The following BAALC variants were observed in gnomAD, a reference collection of about 807,000 sequenced individuals.
BAALC encodes the protein brain and acute leukemia cytoplasmic protein.
BAALC carries 9 observed loss-of-function variants against 15.5 expected under a neutral mutation model. That is an observed-to-expected ratio of 0.58 (90% CI 0.35 to 1.02). The LOEUF (loss-of-function observed/expected upper bound fraction) is 1.02. Among genes scored for constraint, BAALC ranks in the 50% least tolerant of loss-of-function variants. The probability of loss-of-function intolerance (pLI) is 0.02; values close to 1 mark genes in which losing one functional copy is unlikely to be tolerated. For missense variants in BAALC, 201 were observed against 192.4 expected (o/e 1.04, Z -0.27); for synonymous variants, 80 against 74.6 (o/e 1.07, Z -0.37).
chr8:103,222,951 G>A (rs1428317705), intron 2 of BAALC, among the ~76,000 whole-genome samples: 2 of 152,186 alleles, frequency 1.3e-5, no homozygotes, highest in African/African-American at 4.8e-5. Context: ...TAATTGAGGT[G>A]ACTAACCGTC....
chr8:103,158,275 A>C (rs1811143426), intron 1 of BAALC, among the ~76,000 whole-genome samples: 1 of 152,148 alleles, frequency 6.6e-6, no homozygotes, highest in Admixed American at 6.5e-5. Context: ...CAGGAGGAAA[A>C]CCTTCAGGAA....
chr8:103,143,125 C>T (rs185718227), intron 1 of BAALC, among the ~76,000 whole-genome samples: 1 of 152,202 alleles, frequency 6.6e-6, no homozygotes, highest in Non-Finnish European at 1.5e-5. Flanking sequence ...TTCCCTAGGG[C>T]CTTTGGGAAT....
intron 1 of BAALC, chr8:103,183,394 C>A (rs1811768053): frequency 1.4e-6 from 1 of 702,868 alleles, no homozygotes; most frequent in African/African-American, 1.7e-5. Flanking sequence ...TTTGCACTTG[C>A]CTGGAGAGAC....
At chr8:103,168,834 C>T (rs975103741) in intron 1 of BAALC, among the ~76,000 whole-genome samples, 5 of 152,074 alleles carry the variant, frequency 3.3e-5, no homozygotes, top group East Asian at 1.9e-4. Context: ...AGAACATCCT[C>T]AAGTAGCTTT....
At chr8:103,224,443 C>T (rs1022057269) in intron 2 of BAALC, among the ~76,000 whole-genome samples, 6 of 151,570 alleles carry the variant, frequency 4.0e-5, no homozygotes, top group Admixed American at 2.0e-4. Context: ...GGGGCAGGGG[C>T]TTCCAGGCTA....
intron 1 of BAALC, among the ~76,000 whole-genome samples, chr8:103,172,806 T>C (rs1811527141): frequency 6.6e-6 from 1 of 152,212 alleles, no homozygotes; most frequent in Non-Finnish European, 1.5e-5. Context: ...TAAATGACCC[T>C]GGGGATAACT....
At chr8:103,170,119 A>T (rs1811444778) in intron 1 of BAALC, among the ~76,000 whole-genome samples, 1 of 151,618 alleles carries the variant, frequency 6.6e-6, no homozygotes, top group Admixed American at 6.6e-5. Context: ...TTTTCCTATG[A>T]GTTTATGCCT....
chr8:103,180,650 A>G (rs1235133976), intron 1 of BAALC, among the ~76,000 whole-genome samples: 1 of 152,214 alleles, frequency 6.6e-6, no homozygotes, highest in Non-Finnish European at 1.5e-5. Flanking sequence ...AGAGGATTAG[A>G]CAAAATAAGG....
At chr8:103,142,480 C>T (rs1463850485) in intron 1 of BAALC, among the ~76,000 whole-genome samples, 1 of 152,084 alleles carries the variant, frequency 6.6e-6, no homozygotes, top group Non-Finnish European at 1.5e-5. Flanking sequence ...TAGATATGAG[C>T]CTTTTAGAGG....
chr8:103,211,559 T>A (rs949485913), intron 1 of BAALC, among the ~76,000 whole-genome samples: 1 of 152,176 alleles, frequency 6.6e-6, no homozygotes, highest in East Asian at 1.9e-4. Context: ...GGGATCTCCA[T>A]TGCAGAGTTA....
At chr8:103,159,159 T>C (rs1207657144) in intron 1 of BAALC, among the ~76,000 whole-genome samples, 1 of 152,156 alleles carries the variant, frequency 6.6e-6, no homozygotes, top group African/African-American at 2.4e-5. Context: ...ACTTCATAGG[T>C]GATGAGGTAT....
At chr8:103,175,329 A>C (rs1811584179) in intron 1 of BAALC, among the ~76,000 whole-genome samples, 1 of 152,218 alleles carries the variant, frequency 6.6e-6, no homozygotes, top group African/African-American at 2.4e-5. Context: ...AAAAATATAA[A>C]CGATTGAAAA....
intron 2 of BAALC, among the ~76,000 whole-genome samples, chr8:103,216,806 G>A (rs186415863): frequency 5.9e-5 from 9 of 152,318 alleles, no homozygotes; most frequent in Admixed American, 3.9e-4. Flanking sequence ...ATGTGGTCTA[G>A]GTATGACATA....
At chr8:103,221,944 A>G (rs1812686268) in intron 2 of BAALC, among the ~76,000 whole-genome samples, 1 of 152,152 alleles carries the variant, frequency 6.6e-6, no homozygotes, top group Non-Finnish European at 1.5e-5. Context: ...TATTTTAGGG[A>G]GGCATGAGAC....
At chr8:103,178,578 G>T (rs182376477) in intron 1 of BAALC, among the ~76,000 whole-genome samples, 12 of 152,270 alleles carry the variant, frequency 7.9e-5, no homozygotes, top group Admixed American at 7.2e-4. Flanking sequence ...TTTAATTTAG[G>T]CTGGGCACAG....
Position 103,212,906 on chromosome 8 carries a change from T to G in BAALC, c.161-13T>G, listed in dbSNP as rs1267276408. On this transcript the variant is annotated splice_polypyrimidine_tract_variant and intron_variant, in intron 1 of 2. Coordinates refer to ENST00000309982, the MANE Select transcript of BAALC (RefSeq NM_024812.3). ...GCAAGCTTCTGGTTCCATCCTCTGCTTACCTCCCCCAGGCATGCTGGAAGA... is the reference window on the plus strand; with the variant it reads ...GCAAGCTTCTGGTTCCATCCTCTGCGTACCTCCCCCAGGCATGCTGGAAGA... 1 of 1,608,674 alleles carries G rather than the reference T, an allele frequency of 6.2e-7. No individual in the cohort carries two copies. Among genetic ancestry groups the G allele is most frequent in the East Asian group, 2.2e-5 (1 of 44,760 alleles).
At chr8:103,212,352 G>A (rs1812466605) in intron 1 of BAALC, among the ~76,000 whole-genome samples, 1 of 152,138 alleles carries the variant, frequency 6.6e-6, no homozygotes, top group Non-Finnish European at 1.5e-5. Context: ...GAAAGCTGAG[G>A]TGAGAGGATC....
intron 1 of BAALC, among the ~76,000 whole-genome samples, chr8:103,200,267 C>T (rs1014643559): frequency 6.6e-6 from 1 of 152,162 alleles, no homozygotes; most frequent in East Asian, 1.9e-4. Context: ...TAAATTTGTT[C>T]AGCCATTCTG....
rs369967890 is a variant in BAALC, at chr8:103,212,309, A to C, written c.161-610A>C. On this transcript the variant is annotated intron_variant, in intron 1 of 2. Transcript: ENST00000309982. ...AAAAATATACAAAAATTAGCTGGGC[A>C]TGGTGACACGTGCCTTTAGTCCCAG... Among the ~76,000 whole-genome samples, 4 of 152,118 alleles carry C rather than the reference A, an allele frequency of 2.6e-5. No homozygotes were observed. The East Asian group carries it at 7.7e-4, about 29-fold the overall frequency.
Sources: allele counts gnomAD v4.1 joint callset (sites outside exome capture counted in the v4.1 genomes callset), GRCh38; gene constraint gnomAD v4.1.1; transcripts MANE v1.5; gene names NCBI Gene and HGNC (gene_info 2026-07-23, HGNC 2026-07-21).